Variants in RIOX2 observed in about 807,000 individuals in gnomAD.
The protein encoded by RIOX2 is ribosomal oxygenase 2.
In RIOX2, 43 loss-of-function variants were observed where a neutral mutation model predicts 51.2. That is an observed-to-expected ratio of 0.84 (90% confidence interval 0.66 to 1.08). The LOEUF (loss-of-function observed/expected upper bound fraction) is 1.08. RIOX2 is among the 50% of genes least tolerant of loss of function. The pLI is 0.00. For synonymous variants in RIOX2, 226 were observed against 218.5 expected (o/e 1.03, Z -0.30); for missense variants, 566 against 561.7 (o/e 1.01, Z -0.08).
At chr3:97,961,337 G>A (rs917523969) in intron 3 of RIOX2, among the ~76,000 whole-genome samples, 2 of 152,198 alleles carry the variant, frequency 1.3e-5, no homozygotes, top group African/African-American at 2.4e-5. Context: ...TGTTTCAGAC[G>A]AATGTGTGGC....
intron 2 of RIOX2, 114 bp from the exon 3 acceptor site, chr3:97,961,822 A>G (rs111715636): frequency 1.4e-5 from 15 of 1,094,538 alleles, no homozygotes; most frequent in Non-Finnish European, 1.7e-5. Flanking sequence ...CACAACTATT[A>G]TACACCAGAT....
In RIOX2 at chr3:97,942,114, AAAG is replaced by A. The variant is rs2040244143; in HGVS notation, c.*3067_*3069del. On this transcript the variant is annotated 3_prime_UTR_variant, in exon 10 of 10. Coordinates refer to ENST00000394198, the MANE Select transcript of RIOX2 (RefSeq NM_153182.4). ...TGTACCATCTCCTACCCACAGCCGT[AAAG>A]AAGACATTAAAAAAGGCTTACTGAA... 3 of 458,432 alleles carry A rather than the reference AAAG, an allele frequency of 6.5e-6. No homozygotes were observed. Among genetic ancestry groups the A allele is most frequent in the South Asian group, 7.8e-5 (1 of 12,758 alleles). The allele number at this position is 458,432 out of a possible 1,614,324, so 28.4% of individuals were successfully genotyped here. A position where few individuals can be genotyped will look rare whatever the true frequency, so the allele number is the denominator to read the frequency against.
intron 8 of RIOX2, among the ~76,000 whole-genome samples, chr3:97,946,779 C>T (rs990464319): frequency 1.1e-4 from 17 of 151,540 alleles, no homozygotes; most frequent in African/African-American, 4.1e-4. Flanking sequence ...GAGATCGTTC[C>T]AAGGTCTTTA....
At chr3:97,956,016 G>A (rs1324824652) in intron 4 of RIOX2, among the ~76,000 whole-genome samples, 1 of 152,208 alleles carries the variant, frequency 6.6e-6, no homozygotes, top group Non-Finnish European at 1.5e-5. Flanking sequence ...GCCCGTCAGT[G>A]ATGGTAAGTG....
At chr3:97,957,496 A>AC (rs1705494866) in intron 4 of RIOX2, among the ~76,000 whole-genome samples, 2 of 1,446 alleles carry the variant, frequency 1.4e-3, no homozygotes, top group Admixed American at 0.05. Flanking sequence ...ACTCTGTCTT[A>AC]AAAAAAAAAA....
chr3:97,949,891 C>G lies in RIOX2; in HGVS notation c.1013G>C (p.Arg338Thr). The G allele has an allele frequency of 6.2e-7, 1 of 1,613,804 alleles. No individual in the cohort carries two copies. The highest frequency in any genetic ancestry group is 8.5e-7 in the Non-Finnish European group (1 of 1,179,916). Reference sequence around the variant, plus strand: ...ATCTCCCGCAGAGTAAGGGGGGAGTCTGTGCATAATAAAATCCTTCTTCAT... The same window carrying G: ...ATCTCCCGCAGAGTAAGGGGGGAGTGTGTGCATAATAAAATCCTTCTTCAT... Reference protein sequence around the residue: ...SDMKKDFIMHRLPPYSAGDGA... With the variant: ...SDMKKDFIMHTLPPYSAGDGA... The change falls in exon 7 of 10, where the codon AGA (arginine) becomes ACA (threonine). Residue 338 changes from arginine to threonine, a missense_variant. Coordinates refer to ENST00000394198, the MANE Select transcript of RIOX2 (RefSeq NM_153182.4).
At chr3:97,954,646 C>T in intron 4 of RIOX2, 151 bp from the exon 5 acceptor site, 1 of 658,970 alleles carries the variant, frequency 1.5e-6, no homozygotes, top group Admixed American at 2.3e-5. Context: ...GGGCTCATGT[C>T]GTGTGCAGCT....
chr3:97,951,320 A>G (rs1460562536), intron 5 of RIOX2: 1 of 166,720 alleles, frequency 6.0e-6, no homozygotes, highest in East Asian at 1.7e-4. Flanking sequence ...TTGGGGTAAC[A>G]GCAAGATATC....
In RIOX2 at chr3:97,949,994, C is replaced by G; in HGVS notation, c.910G>C (p.Ala304Pro). Residue 304 changes from alanine to proline, a missense_variant, in exon 7 of 10, where the codon GCT becomes CCT. Transcript: ENST00000394198. ...AGGAAGCCACTTAATCGTCTTGTAG[C>G]AACAGTTGTGGATTCCACCTGCTAG... ...LLLQVESTTV[A>P]TRRLSGFLRT... The G allele has an allele frequency of 1.2e-6, 2 of 1,613,766 alleles. No homozygotes were observed. The highest frequency in any genetic ancestry group is 1.3e-5 in the African/African-American group (1 of 75,022).
intron 4 of RIOX2, among the ~76,000 whole-genome samples, chr3:97,958,073 T>G (rs1047113348): frequency 3.9e-5 from 6 of 152,208 alleles, no homozygotes; most frequent in Non-Finnish European, 5.9e-5. Flanking sequence ...TACTGTTGTT[T>G]ATTGATTTAA....
chr3:97,963,292 T>C (rs1348222250), intron 2 of RIOX2, among the ~76,000 whole-genome samples: 2 of 152,126 alleles, frequency 1.3e-5, no homozygotes, highest in Non-Finnish European at 2.9e-5. Flanking sequence ...CCCGGCTAAT[T>C]TTTTTCTCTT....
intron 2 of RIOX2, among the ~76,000 whole-genome samples, chr3:97,965,511 C>CAAAAAAAAAA: frequency 9.9e-6 from 1 of 100,620 alleles, no homozygotes; most frequent in Non-Finnish European, 2.1e-5. Flanking sequence ...GACTCTGTCT[C>CAAAAAAAAAA]AAAAAAAAAA....
rs1409303377 is a variant in RIOX2, at chr3:97,950,890, T to A, written c.786-2A>T. Reference sequence around the variant, plus strand: ...TCCAAAAGGAAATCTCCCCATGAACTAGGATATGCACCAAGGGGGAAAAAA... The same window carrying A: ...TCCAAAAGGAAATCTCCCCATGAACAAGGATATGCACCAAGGGGGAAAAAA... On this transcript the variant is annotated splice_acceptor_variant, in intron 5 of 9. Coordinates refer to ENST00000394198, the MANE Select transcript of RIOX2 (RefSeq NM_153182.4). LOFTEE classifies it high-confidence loss of function. 2 of 1,605,868 alleles carry A rather than the reference T, an allele frequency of 1.2e-6. No homozygotes were observed. The highest frequency in any genetic ancestry group is 1.7e-6 in the Non-Finnish European group (2 of 1,173,162).
chr3:97,944,530 T>C lies in RIOX2; in HGVS notation c.*654A>G, dbSNP rs1038147750. 4.6e-5 allele frequency: 7 copies of C among 152,332 alleles called. No individual in the cohort carries two copies. The highest frequency in any genetic ancestry group is 1.4e-4 in the African/African-American group (6 of 41,408). 9.4% of individuals were successfully genotyped at this position (152,332 alleles called of 1,614,324 possible). On this transcript the variant is annotated 3_prime_UTR_variant, in exon 10 of 10. Transcript: ENST00000394198. ...TGCACTTTAGAATGTAAAATAACAA[T>C]GACTATTTTAAACTCGAAGACCCAC...
chr3:97,970,135 A>G (rs1706065449), intron 1 of RIOX2, among the ~76,000 whole-genome samples: 1 of 152,228 alleles, frequency 6.6e-6, no homozygotes, highest in South Asian at 2.1e-4. Context: ...ATACAGTATA[A>G]GCACATTCAC....
chr3:97,941,883 GA>G lies in RIOX2; in HGVS notation c.*3300del, dbSNP rs1307138336. ...CTACTTTTTCTCATGCTTCAAAAAT[GA>G]AAAACTTTTAAAAGTAATTATTGTC... is the stretch of plus-strand genomic sequence containing the variant. On this transcript the variant is annotated 3_prime_UTR_variant, in exon 10 of 10. Coordinates refer to ENST00000394198, the MANE Select transcript of RIOX2 (RefSeq NM_153182.4). 6.4e-6 allele frequency: 1 copy of G among 155,302 alleles called. No homozygotes were observed. The highest frequency in any genetic ancestry group is 1.9e-4 in the East Asian group (1 of 5,260). The allele number at this position is 155,302 out of a possible 1,614,324, so 9.6% of individuals were successfully genotyped here.
chr3:97,965,390 T>A (rs1207995818), intron 2 of RIOX2, among the ~76,000 whole-genome samples: 2 of 151,636 alleles, frequency 1.3e-5, no homozygotes, highest in Admixed American at 6.6e-5. Context: ...TATGTGCCTG[T>A]AATCCCAGCT....
chr3:97,963,945 G>A lies in RIOX2; in HGVS notation c.433-2237C>T, dbSNP rs544511974. 2.0e-5 allele frequency among the ~76,000 whole-genome samples: 3 copies of A among 152,296 alleles called. No individual in the cohort carries two copies. In the South Asian group the frequency reaches 6.2e-4, roughly 32 times the overall value. On this transcript the variant is annotated intron_variant, in intron 2 of 9. Transcript: ENST00000394198. ...ATATTATCACTCCCACTCAAACACT[G>A]TGGCGAACAGCATAAAACAACTTAT...
At chr3:97,955,763 A>G (rs1705428409) in intron 4 of RIOX2, among the ~76,000 whole-genome samples, 1 of 152,172 alleles carries the variant, frequency 6.6e-6, no homozygotes, top group Admixed American at 6.5e-5. Flanking sequence ...GTGGTATGTC[A>G]CTGCGCAAAC....
Sources: gnomAD v4.1 joint callset for allele counts (sites outside exome capture counted in the v4.1 genomes callset) on GRCh38, gnomAD v4.1.1 for gene constraint, MANE v1.5 for transcripts, NCBI Gene and HGNC (gene_info 2026-07-23, HGNC 2026-07-21) for gene names.